ADK: variants seen among roughly 807,000 people sequenced by gnomAD.
ADK encodes the protein adenosine kinase.
Under a neutral mutation model 44.7 loss-of-function variants are expected in ADK, and 24 were observed. The ratio of observed to expected loss-of-function variants is 0.54; its 90% confidence interval spans 0.39 to 0.76. ADK has a LOEUF of 0.76. Among genes scored for constraint, ADK ranks in the 30% least tolerant of loss-of-function variants. ADK has a pLI of 0.00. For missense variants in ADK, 321 were observed against 425.1 expected, an observed-to-expected ratio of 0.76 and a Z score of 2.15; for synonymous variants, 128 against 142.6, an observed-to-expected ratio of 0.90 and a Z score of 0.73.
chr10:74,547,719 C>T (rs1338365404), intron 7 of ADK, among the ~76,000 whole-genome samples: 5 of 150,714 alleles, frequency 3.3e-5, no homozygotes, highest in Admixed American at 6.6e-5. Context: ...AGTGCAATAG[C>T]GCCATCTTGG....
chr10:74,414,049 A>G (rs1449367185), intron 6 of ADK, among the ~76,000 whole-genome samples: 2 of 152,212 alleles, frequency 1.3e-5, no homozygotes, highest in African/African-American at 2.4e-5. Flanking sequence ...TCCCAAAACA[A>G]TTACAATAAT....
At chr10:74,345,381 C>A (rs1462847866) in intron 4 of ADK, among the ~76,000 whole-genome samples, 1 of 151,958 alleles carries the variant, frequency 6.6e-6, no homozygotes, top group Non-Finnish European at 1.5e-5. Flanking sequence ...GGTTGCCACT[C>A]ACTGGAACCT....
chr10:74,153,832 G>A (rs10430521), intron 1 of ADK, among the ~76,000 whole-genome samples: 19,176 of 152,138 alleles, frequency 0.13, 1,220 homozygotes, highest in Middle Eastern at 0.2. Context: ...TTTAGCGATC[G>A]CCTCTTAAGA....
At chr10:74,189,311 T>C (rs1842881623) in intron 1 of ADK, among the ~76,000 whole-genome samples, 1 of 152,182 alleles carries the variant, frequency 6.6e-6, no homozygotes, top group Non-Finnish European at 1.5e-5. Flanking sequence ...GTTGTTGACA[T>C]ATTGTGTACA....
chr10:74,222,902 C>A (rs940746085), intron 2 of ADK, among the ~76,000 whole-genome samples: 1 of 151,784 alleles, frequency 6.6e-6, no homozygotes, highest in South Asian at 2.1e-4. Context: ...GGGAGATATA[C>A]CTAATGCTAG....
At chr10:74,517,803 A>T (rs1281764340) in intron 6 of ADK, among the ~76,000 whole-genome samples, 1 of 152,186 alleles carries the variant, frequency 6.6e-6, no homozygotes, top group Non-Finnish European at 1.5e-5. Flanking sequence ...ATTTCTTTAC[A>T]TTGCCTTCTG....
At chr10:74,600,296 T>A in intron 8 of ADK, 83 bp from the exon 9 acceptor site, 5 of 849,096 alleles carry the variant, frequency 5.9e-6, no homozygotes, top group Non-Finnish European at 7.7e-6. Flanking sequence ...TTTTGATCAA[T>A]AGAAGCTAAA....
intron 3 of ADK, among the ~76,000 whole-genome samples, chr10:74,313,520 GAAGTT>G (rs1343061715): frequency 6.6e-5 from 10 of 151,966 alleles, no homozygotes; most frequent in Non-Finnish European, 1.5e-4. Context: ...TATTCTTTGA[GAAGTT>G]AAGTATTAGT....
chr10:74,495,019 T>A (rs1378348198), intron 6 of ADK, among the ~76,000 whole-genome samples: 1 of 152,214 alleles, frequency 6.6e-6, no homozygotes, highest in Non-Finnish European at 1.5e-5. Flanking sequence ...TCTATTATAT[T>A]CTAAACTTAC....
At chr10:74,507,973 A>G (rs545092136) in intron 6 of ADK, among the ~76,000 whole-genome samples, 1 of 152,316 alleles carries the variant, frequency 6.6e-6, no homozygotes, top group African/African-American at 2.4e-5. Context: ...GAGGTAGTGG[A>G]CATTTCAGAT....
intron 5 of ADK, among the ~76,000 whole-genome samples, chr10:74,397,526 G>A (rs993185582): frequency 2.6e-5 from 4 of 151,310 alleles, no homozygotes; most frequent in Admixed American, 2.6e-4. Flanking sequence ...CTTGTAGCAG[G>A]ATTTTATTTA....
chr10:74,238,856 C>CTTTTTTT (rs752385282), intron 3 of ADK, among the ~76,000 whole-genome samples: 1,901 of 88,146 alleles, frequency 0.022, 226 homozygotes, highest in African/African-American at 0.086. Context: ...TTAGCTAGTG[C>CTTTTTTT]TTTTTTTTTT....
At chr10:74,232,557 C>T (rs1844810568) in intron 3 of ADK, among the ~76,000 whole-genome samples, 1 of 142,546 alleles carries the variant, frequency 7.0e-6, no homozygotes, top group African/African-American at 2.6e-5. Context: ...CACCCCCCCC[C>T]CCCAAAAAAA....
chr10:74,612,127 A>G (rs537317046), intron 9 of ADK, among the ~76,000 whole-genome samples: 3 of 152,094 alleles, frequency 2.0e-5, no homozygotes, highest in South Asian at 4.2e-4. Context: ...ATCCTCGCCA[A>G]TGTGTAATTT....
intron 6 of ADK, among the ~76,000 whole-genome samples, chr10:74,492,513 T>G (rs1847525699): frequency 6.6e-6 from 1 of 152,108 alleles, no homozygotes; most frequent in Non-Finnish European, 1.5e-5. Context: ...AGGCAATAAA[T>G]GTGACATAAA....
chr10:74,474,437 T>TTTTC (rs993907923), intron 6 of ADK, among the ~76,000 whole-genome samples: 2 of 151,930 alleles, frequency 1.3e-5, no homozygotes, highest in Non-Finnish European at 2.9e-5. Context: ...TAGTCTTTTC[T>TTTTC]TTTCTTTCTT....
intron 6 of ADK, among the ~76,000 whole-genome samples, chr10:74,476,248 C>G (rs1846834137): frequency 1.3e-5 from 2 of 152,070 alleles, no homozygotes; most frequent in Admixed American, 1.3e-4. Flanking sequence ...AATCTCAGCA[C>G]TTTGGGAGGC....
chr10:74,701,833 A>G (rs572121620), intron 10 of ADK, among the ~76,000 whole-genome samples: 5 of 152,286 alleles, frequency 3.3e-5, no homozygotes, highest in Non-Finnish European at 7.4e-5. Context: ...CCCAGCTGCT[A>G]CTTGGGAGAC....
chr10:74,514,119 T>C (rs73274107), intron 6 of ADK, among the ~76,000 whole-genome samples: 3,749 of 152,336 alleles, frequency 0.025, 138 homozygotes, highest in African/African-American at 0.074. Flanking sequence ...TCTAGTACTT[T>C]GACTATATTA....
Sources: allele counts gnomAD v4.1 joint callset (sites outside exome capture counted in the v4.1 genomes callset), GRCh38; gene constraint gnomAD v4.1.1; transcripts MANE v1.5; gene names NCBI Gene and HGNC (gene_info 2026-07-23, HGNC 2026-07-21).